TRAFD1: variants seen among roughly 807,000 people sequenced by gnomAD.
TRAFD1 encodes TRAF-type zinc finger domain containing 1.
TRAFD1 carries 38 observed loss-of-function variants against 65.3 expected under a neutral mutation model. The ratio of observed to expected loss-of-function variants is 0.58; its 90% confidence interval spans 0.45 to 0.76. The LOEUF is 0.76. Among genes scored for constraint, TRAFD1 ranks in the 30% least tolerant of loss-of-function variants. TRAFD1 has a pLI of 0.00. For missense variants in TRAFD1, 631 were observed against 712.6 expected, an observed-to-expected ratio of 0.89 and a Z score of 1.30; for synonymous variants, 223 against 257.2, an observed-to-expected ratio of 0.87 and a Z score of 1.27.
chr12:112,142,678 G>T (rs1213559376), intron 6 of TRAFD1, among the ~76,000 whole-genome samples: 1 of 151,840 alleles, frequency 6.6e-6, no homozygotes, highest in African/African-American at 2.4e-5. Context: ...GGACATTATT[G>T]TACAAGTAGA....
Position 112,152,883 on chromosome 12 carries a change from GGA to G in TRAFD1, c.*96_*97del. Reference sequence around the variant, plus strand: ...GCCCACCTCTTTGGCTCTTTGGGTGGGAGAGTTTTTCCAGATTTTAGATTTTT... The same window carrying G: ...GCCCACCTCTTTGGCTCTTTGGGTGGGAGTTTTTCCAGATTTTAGATTTTT... On this transcript the variant is annotated 3_prime_UTR_variant, in exon 12 of 12. Coordinates refer to ENST00000412615, the MANE Select transcript of TRAFD1 (RefSeq NM_006700.3). This position sits in a 1 kb window ranked among gnomAD's most constrained non-coding sequence, Gnocchi z 5.0. 2 of 1,458,334 alleles carry G rather than the reference GGA, an allele frequency of 1.4e-6. No homozygotes were observed. The highest frequency in any genetic ancestry group is 1.9e-6 in the Non-Finnish European group (2 of 1,066,998). 90.3% of individuals were successfully genotyped at this position (1,458,334 alleles called of 1,614,324 possible). A position where few individuals can be genotyped will look rare whatever the true frequency, so the allele number is the denominator to read the frequency against.
intron 4 of TRAFD1, among the ~76,000 whole-genome samples, chr12:112,138,341 G>A (rs2029976343): frequency 6.6e-6 from 1 of 151,974 alleles, no homozygotes; most frequent in Non-Finnish European, 1.5e-5. Context: ...CTTGAGGTCA[G>A]AAGTTCAAGA....
intron 4 of TRAFD1, 51 bp downstream of exon 4, chr12:112,135,117 A>G: frequency 6.2e-7 from 1 of 1,604,302 alleles, no homozygotes; most frequent in Non-Finnish European, 8.5e-7. Context: ...GAGATTACAG[A>G]CCCACATGCA....
chr12:112,138,718 T>A (rs184081251), intron 4 of TRAFD1, among the ~76,000 whole-genome samples: 32 of 150,730 alleles, frequency 2.1e-4, no homozygotes, highest in Admixed American at 1.8e-3. Context: ...ATTAGCCAGG[T>A]GTGGTGGTAG....
At chr12:112,126,735 G>A (rs1307126359) in intron 1 of TRAFD1, among the ~76,000 whole-genome samples, 1 of 151,716 alleles carries the variant, frequency 6.6e-6, no homozygotes, top group African/African-American at 2.4e-5. Flanking sequence ...GCTCACTGCA[G>A]CCTCCGCCTC....
intron 5 of TRAFD1, 101 bp from the exon 6 acceptor site, chr12:112,141,988 C>T (rs1036239409): frequency 1.3e-5 from 17 of 1,304,626 alleles, no homozygotes; most frequent in East Asian, 7.5e-5. Flanking sequence ...TATTCCTTCC[C>T]GGATGCCTGT....
intron 2 of TRAFD1, among the ~76,000 whole-genome samples, chr12:112,134,289 C>A (rs1282586765): frequency 6.7e-6 from 1 of 148,956 alleles, no homozygotes; most frequent in South Asian, 2.1e-4. Flanking sequence ...GGATTACAGG[C>A]GTGAGCCACG....
chr12:112,134,210 A>G (rs1351038038), intron 2 of TRAFD1, among the ~76,000 whole-genome samples: 1 of 150,286 alleles, frequency 6.7e-6, no homozygotes, highest in Non-Finnish European at 1.5e-5. Flanking sequence ...GGGTTTCACC[A>G]TGTTGGCCAG....
intron 6 of TRAFD1, among the ~76,000 whole-genome samples, chr12:112,143,878 A>G (rs750503747): frequency 1.9e-4 from 29 of 151,548 alleles, no homozygotes; most frequent in Non-Finnish European, 2.1e-4. Context: ...GACCACAGGC[A>G]TGCACCACTA....
intron 8 of TRAFD1, 110 bp from the exon 9 acceptor site, chr12:112,149,641 T>C: frequency 2.8e-6 from 4 of 1,440,968 alleles, no homozygotes; most frequent in Non-Finnish European, 3.8e-6. Context: ...CTTTCAGAGG[T>C]TGTCAAAGTC....
At chr12:112,143,729 G>GTTT (rs869247106) in intron 6 of TRAFD1, among the ~76,000 whole-genome samples, 38 of 121,742 alleles carry the variant, frequency 3.1e-4, no homozygotes, top group Non-Finnish European at 4.1e-4. Context: ...TCCCGCTTTG[G>GTTT]TTTTTTTTTT....
At chr12:112,135,145 G>A in intron 4 of TRAFD1, 79 bp downstream of exon 4, 2 of 1,539,268 alleles carry the variant, frequency 1.3e-6, no homozygotes, top group Non-Finnish European at 1.8e-6. Context: ...AAGCCAGTCT[G>A]GTTGAGTGTT....
intron 1 of TRAFD1, among the ~76,000 whole-genome samples, chr12:112,129,029 T>TAAAAAAAA (rs543476356): frequency 1.1e-5 from 1 of 91,540 alleles, no homozygotes; most frequent in Non-Finnish European, 2.2e-5. Context: ...AGACTCTGTT[T>TAAAAAAAA]AAAAAAAAAA....
Position 112,142,282 on chromosome 12 carries a change from C to T in TRAFD1, c.837C>T (p.Leu279=). The T allele has an allele frequency of 6.2e-7, 1 of 1,613,506 alleles. No homozygotes were observed. The highest frequency in any genetic ancestry group is 8.5e-7 in the Non-Finnish European group (1 of 1,179,496). ...AGTCTCATGGCGGTCCCAGGTCTCT[C>T]AGTGACATAAAGGGTAGGCTTGCTT... ...ADQSHGGPRS[L]SDIKGAADEI... is the part of the protein sequence containing the mutation. Residue 279 remains leucine (L), a synonymous_variant, in exon 6 of 12, where the codon CTC becomes CTT. Transcript: ENST00000412615.
chr12:112,132,542 T>C (rs1033261287), intron 2 of TRAFD1, among the ~76,000 whole-genome samples: 3 of 152,224 alleles, frequency 2.0e-5, no homozygotes, highest in African/African-American at 7.2e-5. Context: ...ATATGGGAAG[T>C]TAAATCTGTC....
In TRAFD1 at chr12:112,152,898, A is replaced by G; in HGVS notation, c.*107A>G. 7 of 1,358,320 alleles carry G rather than the reference A, an allele frequency of 5.2e-6. No homozygotes were observed. The South Asian group carries it at 7.7e-5, about 15-fold the overall frequency. 84.1% of individuals were successfully genotyped at this position (1,358,320 alleles called of 1,614,324 possible). A position where few individuals can be genotyped will look rare whatever the true frequency, so the allele number is the denominator to read the frequency against. On this transcript the variant is annotated 3_prime_UTR_variant, in exon 12 of 12. Coordinates refer to ENST00000412615, the MANE Select transcript of TRAFD1 (RefSeq NM_006700.3). This position sits in a 1 kb window ranked among gnomAD's most constrained non-coding sequence, Gnocchi z 5.0. The stretch of plus-strand genomic sequence containing the variant: ...TCTTTGGGTGGGAGAGTTTTTCCAG[A>G]TTTTAGATTTTTCTAGGTTATGGCC...
intron 9 of TRAFD1, among the ~76,000 whole-genome samples, 164 bp downstream of exon 9, chr12:112,150,035 C>A (rs2030359901): frequency 6.6e-6 from 1 of 152,216 alleles, no homozygotes; most frequent in African/African-American, 2.4e-5. Context: ...TGTGGTCCCA[C>A]ATTAGACTGA....
intron 6 of TRAFD1, among the ~76,000 whole-genome samples, chr12:112,142,538 C>G (rs1231417812): frequency 6.6e-6 from 1 of 151,774 alleles, no homozygotes; most frequent in African/African-American, 2.4e-5. Context: ...GCCTCTGCCT[C>G]CCAAGTAGCT....
rs1313388870 is a variant in TRAFD1 at position 112,152,083 on chromosome 12, A to G, written c.1562A>G (p.Tyr521Cys). 1 of 1,613,976 alleles carries G rather than the reference A, an allele frequency of 6.2e-7. No individual in the cohort carries two copies. The highest frequency in any genetic ancestry group is 1.3e-5 in the African/African-American group (1 of 75,014). ...VSVIRPPQNL[Y>C]PENIVPSFSP... ...GTGATTCGCCCTCCTCAAAATCTCT[A>G]CCCAGAAAACATTGTGCCCTCTTTC... is the stretch of plus-strand genomic sequence containing the variant. The change falls in exon 10 of 12, where the codon TAC (tyrosine) becomes TGC (cysteine). Residue 521 changes from tyrosine (Y) to cysteine (C), a missense_variant. By Grantham distance (194) the Tyr-to-Cys change is radical. Transcript: ENST00000412615. The surrounding 1 kb of genome is among the most constrained non-coding windows in gnomAD (Gnocchi z 5.0).
Sources: gnomAD v4.1 joint callset for allele counts (sites outside exome capture counted in the v4.1 genomes callset) on GRCh38, gnomAD v4.1.1 for gene constraint, Gnocchi (gnomAD v3.1) non-coding constraint, MANE v1.5 for transcripts, NCBI Gene and HGNC (gene_info 2026-07-23, HGNC 2026-07-21) for gene names.